The following SERPINB5 variants were observed in gnomAD, a reference collection of about 807,000 sequenced individuals.
SERPINB5 encodes serpin family B member 5.
Under a neutral mutation model 32.2 loss-of-function variants are expected in SERPINB5, and 27 were observed. That is an observed-to-expected ratio of 0.84 (90% CI 0.62 to 1.16). The LOEUF is 1.16. Ranked by LOEUF, SERPINB5 falls within the 50% of genes most tolerant of loss-of-function variation. The probability of loss-of-function intolerance (pLI) is 0.00; values close to 1 mark genes in which losing one functional copy is unlikely to be tolerated. For synonymous variants in SERPINB5, 154 were observed against 157.4 expected (o/e 0.98, Z 0.16); for missense variants, 388 against 436.3 (o/e 0.89, Z 0.99).
At chr18:63,489,668 T>C (rs1917270755) in intron 4 of SERPINB5, among the ~76,000 whole-genome samples, 1 of 152,222 alleles carries the variant, frequency 6.6e-6, no homozygotes, top group South Asian at 2.1e-4. Context: ...TGGTAGAAAC[T>C]GTTGATGCTT....
intron 4 of SERPINB5, 74 bp from the exon 5 acceptor site, chr18:63,492,879 G>C (rs1909369860): frequency 6.5e-7 from 1 of 1,539,838 alleles, no homozygotes; most frequent in African/African-American, 1.4e-5. Context: ...AATACTCAGT[G>C]AATATGCATG....
chr18:63,480,746 C>T (rs762138090), intron 1 of SERPINB5, among the ~76,000 whole-genome samples: 6 of 152,206 alleles, frequency 3.9e-5, no homozygotes, highest in Non-Finnish European at 7.3e-5. Flanking sequence ...TGGGACTAAT[C>T]ACAGAGCCAC....
chr18:63,496,755 A>G (rs1368730614), intron 5 of SERPINB5, among the ~76,000 whole-genome samples: 5 of 152,230 alleles, frequency 3.3e-5, no homozygotes, highest in Admixed American at 3.3e-4. Context: ...GTATATGTCA[A>G]TAGGTTATAC....
rs1218897031 is a variant in SERPINB5, at chr18:63,498,937, G to A, written c.568-183G>A. Among the ~76,000 whole-genome samples, 2 of 150,344 alleles carry A rather than the reference G, an allele frequency of 1.3e-5. No homozygotes were observed. Among genetic ancestry groups the A allele is most frequent in the African/African-American group, 4.9e-5 (2 of 40,936 alleles). On this transcript the variant is annotated intron_variant, in intron 5 of 6. Coordinates refer to ENST00000382771, the MANE Select transcript of SERPINB5 (RefSeq NM_002639.5). The surrounding 1 kb of genome is among the most constrained non-coding windows in gnomAD (Gnocchi z 4.2). ...TATATGTATATGTGTATATATAGGT[G>A]TATGTATATATGTATGTGTATCTGT...
In SERPINB5 at chr18:63,503,312, T is replaced by C. The variant is rs758976453; in HGVS notation, c.736-18T>C. 2 of 1,596,456 alleles carry C rather than the reference T, an allele frequency of 1.3e-6. No homozygotes were observed. The highest frequency in any genetic ancestry group is 4.5e-5 in the East Asian group (2 of 44,424). On this transcript the variant is annotated intron_variant, in intron 6 of 6. Coordinates refer to ENST00000382771, the MANE Select transcript of SERPINB5 (RefSeq NM_002639.5). ...TGGAAATAAATAAAAATAATTTCTT[T>C]TCATTTTTGTCCTTCAGATTGAAAA...
chr18:63,498,708 T>C lies in SERPINB5; in HGVS notation c.568-412T>C, dbSNP rs1909501799. ...TTGGATCTGAGTGGATGATGAATTA[T>C]AAGCCATAATAATCTGACACTGTGT... On this transcript the variant is annotated intron_variant, in intron 5 of 6. Coordinates refer to ENST00000382771, the MANE Select transcript of SERPINB5 (RefSeq NM_002639.5). This position sits in a 1 kb window ranked among gnomAD's most constrained non-coding sequence, Gnocchi z 4.2. 6.6e-6 allele frequency among the ~76,000 whole-genome samples: 1 copy of C among 151,996 alleles called. No homozygotes were observed. The highest frequency in any genetic ancestry group is 1.5e-5 in the Non-Finnish European group (1 of 67,996).
At chr18:63,485,611 C>T (rs1036596229) in intron 2 of SERPINB5, 3 of 152,252 alleles carry the variant, frequency 2.0e-5, no homozygotes, top group African/African-American at 7.2e-5. Context: ...TACCCAATCT[C>T]CCATTCCTCA....
Position 63,491,113 on chromosome 18 carries a change from G to T in SERPINB5, c.424+1649G>T, listed in dbSNP as rs534465419. ...CCTAAGTTACTTCACTTAGAATAAT[G>T]GTCTTCAGACCAGGCATGGTGGCTC... On this transcript the variant is annotated intron_variant, in intron 4 of 6. Transcript: ENST00000382771. Among the ~76,000 whole-genome samples the T allele has an allele frequency of 6.6e-4, 100 of 152,216 alleles. 1 individual carries two copies. Among genetic ancestry groups the T allele is most frequent in the Non-Finnish European group, 1.3e-3 (88 of 68,014 alleles).
intron 1 of SERPINB5, among the ~76,000 whole-genome samples, chr18:63,483,026 A>T (rs1290952792): frequency 1.3e-5 from 2 of 152,158 alleles, no homozygotes; most frequent in Admixed American, 1.3e-4. Flanking sequence ...ATGTCTTAGT[A>T]TTATCATGAG....
chr18:63,484,712 G>C, intron 2 of SERPINB5, 116 bp downstream of exon 2: 1 of 432,082 alleles, frequency 2.3e-6, no homozygotes. Context: ...TCAAGATTCA[G>C]AACTGTGCCA....
At chr18:63,477,657 C>G (rs1917056438) in intron 1 of SERPINB5, among the ~76,000 whole-genome samples, 1 of 152,340 alleles carries the variant, frequency 6.6e-6, no homozygotes, top group South Asian at 2.1e-4. Flanking sequence ...TAACTTTAAA[C>G]AAGTTACACA....
intron 1 of SERPINB5, among the ~76,000 whole-genome samples, chr18:63,482,921 T>C (rs1195479704): frequency 7.3e-6 from 1 of 136,776 alleles, no homozygotes; most frequent in African/African-American, 2.5e-5. Context: ...ATATTGTTTT[T>C]CATTTTTGCA....
intron 1 of SERPINB5, among the ~76,000 whole-genome samples, chr18:63,478,760 T>TTG (rs1917077227): frequency 1.3e-5 from 2 of 149,976 alleles, no homozygotes; most frequent in African/African-American, 2.5e-5. Context: ...AAAACGTAGT[T>TTG]TTTTTTTTTT....
chr18:63,484,741 C>CTTTTTTTTTTTTT (rs869236018), intron 2 of SERPINB5, 145 bp downstream of exon 2: 1,682 of 108,136 alleles, frequency 0.016, 312 homozygotes, highest in Non-Finnish European at 0.021. Context: ...CTCTCTTAAT[C>CTTTTTTTTTTTTT]TTTTTTTTTT....
intron 4 of SERPINB5, 60 bp from the exon 5 acceptor site, chr18:63,492,893 A>G (rs1909370242): frequency 6.4e-7 from 1 of 1,569,086 alleles, no homozygotes; most frequent in East Asian, 2.2e-5. Flanking sequence ...ATGCATGTGA[A>G]TTTCAGATGT....
intron 4 of SERPINB5, among the ~76,000 whole-genome samples, chr18:63,490,100 G>A (rs1202162415): frequency 2.0e-5 from 3 of 152,058 alleles, no homozygotes; most frequent in Non-Finnish European, 4.4e-5. Flanking sequence ...GCTGAGACAG[G>A]AGAATGGCGT....
In SERPINB5 at chr18:63,503,461, A is replaced by G. The variant is rs200796901; in HGVS notation, c.867A>G (p.Glu289=). The G allele has an allele frequency of 6.2e-7, 1 of 1,614,238 alleles. No individual in the cohort carries two copies. The highest frequency in any genetic ancestry group is 8.5e-7 in the Non-Finnish European group (1 of 1,180,036). The change falls in exon 7 of 7, where the codon GAA becomes GAG. Residue 289 remains glutamate (E), a synonymous_variant. Transcript: ENST00000382771. ...EKMIDPKACL[E]NLGLKHIFSE... ...TGATTGATCCCAAGGCTTGTCTGGA[A>G]AATCTAGGGCTGAAACATATCTTCA...
chr18:63,488,097 CAATT>C (rs1383980635), intron 3 of SERPINB5, among the ~76,000 whole-genome samples: 3 of 151,990 alleles, frequency 2.0e-5, no homozygotes, highest in Non-Finnish European at 4.4e-5. Context: ...ATTAAAGAGA[CAATT>C]AACACATTTT....
chr18:63,493,191 C>A, intron 5 of SERPINB5, 96 bp downstream of exon 5: 1 of 1,533,570 alleles, frequency 6.5e-7, no homozygotes, highest in Non-Finnish European at 9.0e-7. Flanking sequence ...CAATGAGGAA[C>A]CTGAGGGCAC....
Sources: gnomAD v4.1 joint callset for allele counts (sites outside exome capture counted in the v4.1 genomes callset) on GRCh38, gnomAD v4.1.1 for gene constraint, Gnocchi (gnomAD v3.1) non-coding constraint, MANE v1.5 for transcripts, NCBI Gene and HGNC (gene_info 2026-07-23, HGNC 2026-07-21) for gene names.